Variants in HS3ST5 observed in about 807,000 individuals in gnomAD.
The protein encoded by HS3ST5 is heparan sulfate glucosamine 3-O-sulfotransferase 5.
HS3ST5 carries 10 observed loss-of-function variants against 25.4 expected under a neutral mutation model. That is an observed-to-expected ratio of 0.39 (90% CI 0.24 to 0.67). HS3ST5 has a LOEUF of 0.67. HS3ST5 is among the 30% of genes least tolerant of loss of function. HS3ST5 has a pLI of 0.44. For missense variants in HS3ST5, 324 were observed against 420.7 expected, an observed-to-expected ratio of 0.77 and a Z score of 2.01; for synonymous variants, 170 against 162.4, an observed-to-expected ratio of 1.05 and a Z score of -0.36.
intron 1 of HS3ST5, among the ~76,000 whole-genome samples, chr6:114,320,614 G>A (rs1775926985): frequency 6.6e-6 from 1 of 152,020 alleles, no homozygotes; most frequent in South Asian, 2.1e-4. Flanking sequence ...CAGTATCGGG[G>A]TGTAGGGGCT....
chr6:114,149,618 A>T (rs9387192), intron 3 of HS3ST5, among the ~76,000 whole-genome samples: 50,854 of 151,876 alleles, frequency 0.33, 9,285 homozygotes, highest in East Asian at 0.61. Context: ...ATTAGGACAA[A>T]TACCTAATGC....
At chr6:114,235,824 G>C (rs1338141504) in intron 1 of HS3ST5, 1 of 152,220 alleles carries the variant, frequency 6.6e-6, no homozygotes, top group African/African-American at 2.4e-5. Context: ...CCTTTGTCTG[G>C]ATGGTGTATC....
intron 1 of HS3ST5, among the ~76,000 whole-genome samples, chr6:114,265,667 A>G (rs1773374041): frequency 6.6e-6 from 1 of 152,164 alleles, no homozygotes; most frequent in Non-Finnish European, 1.5e-5. Context: ...AAGATTACCA[A>G]TGACCTTCAT....
intron 2 of HS3ST5, among the ~76,000 whole-genome samples, chr6:114,214,336 C>T (rs764614862): frequency 1.6e-4 from 24 of 152,164 alleles, no homozygotes; most frequent in Non-Finnish European, 2.5e-4. Flanking sequence ...TACTTTTTCT[C>T]GTCCAGGAGC....
intron 1 of HS3ST5, among the ~76,000 whole-genome samples, chr6:114,309,520 G>T (rs776982389): frequency 3.3e-5 from 5 of 152,168 alleles, no homozygotes; most frequent in Admixed American, 6.5e-5. Context: ...AGCACTTGAG[G>T]TCAGGAGTTC....
chr6:114,168,556 G>T (rs1779324257), intron 2 of HS3ST5, 94 bp from the exon 3 acceptor site: 1 of 152,200 alleles, frequency 6.6e-6, no homozygotes, highest in Non-Finnish European at 1.5e-5. Flanking sequence ...TAGATTTGCT[G>T]TTGGAAGGAG....
intron 3 of HS3ST5, among the ~76,000 whole-genome samples, chr6:114,141,700 G>T (rs1777906160): frequency 6.6e-6 from 1 of 152,186 alleles, no homozygotes; most frequent in African/African-American, 2.4e-5. Context: ...CAGTTGGAAT[G>T]TGACAAGGCA....
rs552588531 is a variant in HS3ST5 at position 114,163,781 on chromosome 6, C to T, written c.-33+4570G>A. Among the ~76,000 whole-genome samples, 5 of 152,038 alleles carry T rather than the reference C, an allele frequency of 3.3e-5. No individual in the cohort carries two copies. The South Asian group carries it at 8.3e-4, about 25-fold the overall frequency. ...TTAACTAATTAATTAATGTATCTGT[C>T]GATCATTGTTTCTATTTGAGAGTTT... On this transcript the variant is annotated intron_variant, in intron 3 of 4. Coordinates refer to ENST00000312719, the MANE Select transcript of HS3ST5 (RefSeq NM_153612.4).
chr6:114,134,102 AG>A (rs980927414), intron 3 of HS3ST5, among the ~76,000 whole-genome samples: 7 of 152,310 alleles, frequency 4.6e-5, no homozygotes, highest in Middle Eastern at 3.4e-3. Flanking sequence ...CATTGAGTCA[AG>A]AAACTGGCAA....
chr6:114,071,178 C>T (rs2114732340), intron 3 of HS3ST5, among the ~76,000 whole-genome samples: 1 of 152,244 alleles, frequency 6.6e-6, no homozygotes, highest in Middle Eastern at 3.4e-3. Context: ...TTAAGATTTC[C>T]CTTGCTTGAA....
At chr6:114,238,598 C>T (rs1771965599) in intron 1 of HS3ST5, among the ~76,000 whole-genome samples, 1 of 151,788 alleles carries the variant, frequency 6.6e-6, no homozygotes, top group South Asian at 2.1e-4. Flanking sequence ...AAACATTGTA[C>T]CCAATATGTA....
At chr6:114,213,358 C>T (rs1781604158) in intron 2 of HS3ST5, among the ~76,000 whole-genome samples, 1 of 39,354 alleles carries the variant, frequency 2.5e-5, no homozygotes, top group Admixed American at 3.0e-4. Flanking sequence ...GGGGGGTGGG[C>T]AGGGCAGGCA....
At chr6:114,293,605 GGA>G (rs1407174088) in intron 1 of HS3ST5, among the ~76,000 whole-genome samples, 1 of 152,160 alleles carries the variant, frequency 6.6e-6, no homozygotes, top group African/African-American at 2.4e-5. Context: ...GTAAAAGTTA[GGA>G]GAGACCTGGA....
At position 114,056,690 on chromosome 6, in the gene HS3ST5, CAT is replaced by C. The variant is rs1772787784; in HGVS notation, c.*565_*566del. On this transcript the variant is annotated 3_prime_UTR_variant, in exon 5 of 5. Transcript: ENST00000312719. Reference sequence around the variant, plus strand: ...ACATGCTACAAGTGACACCATGGTCCATACGAGAAAACAATAGTGCAAAATCA... The same window carrying C: ...ACATGCTACAAGTGACACCATGGTCCACGAGAAAACAATAGTGCAAAATCA... The C allele has an allele frequency of 6.6e-6, 1 of 152,472 alleles. No homozygotes were observed. Among genetic ancestry groups the C allele is most frequent in the Admixed American group, 6.5e-5 (1 of 15,316 alleles). The allele number at this position is 152,472 out of a possible 1,614,324, so 9.4% of individuals were successfully genotyped here.
intron 1 of HS3ST5, among the ~76,000 whole-genome samples, chr6:114,231,009 C>G (rs1384486074): frequency 6.6e-6 from 1 of 152,072 alleles, no homozygotes; most frequent in African/African-American, 2.4e-5. Context: ...TGCCCAAATC[C>G]TATGGTGAAC....
chr6:114,251,515 A>T (rs1421230403), intron 1 of HS3ST5: 1 of 152,060 alleles, frequency 6.6e-6, no homozygotes, highest in Non-Finnish European at 1.5e-5. Flanking sequence ...CCCCTTCCTT[A>T]CAGTATTCAA....
At chr6:114,203,080 A>C (rs146854049) in intron 2 of HS3ST5, among the ~76,000 whole-genome samples, 1 of 152,342 alleles carries the variant, frequency 6.6e-6, no homozygotes, top group Non-Finnish European at 1.5e-5. Context: ...TACTTTGTAC[A>C]TTTGTACATT....
chr6:114,287,198 A>G (rs902093410), intron 1 of HS3ST5, among the ~76,000 whole-genome samples: 1 of 152,166 alleles, frequency 6.6e-6, no homozygotes, highest in Non-Finnish European at 1.5e-5. Context: ...TTATGCATTC[A>G]TGGCAGTAAT....
intron 3 of HS3ST5, among the ~76,000 whole-genome samples, chr6:114,085,053 A>G (rs904910393): frequency 1.3e-5 from 2 of 151,916 alleles, no homozygotes; most frequent in African/African-American, 4.8e-5. Context: ...GATGGCCTCA[A>G]TCTCCTGACC....
Sources: allele counts gnomAD v4.1 joint callset (sites outside exome capture counted in the v4.1 genomes callset), GRCh38; gene constraint gnomAD v4.1.1; transcripts MANE v1.5; gene names NCBI Gene and HGNC (gene_info 2026-07-23, HGNC 2026-07-21).